The following LRRN2 variants were observed in gnomAD, a reference collection of about 807,000 sequenced individuals.
LRRN2 encodes the protein leucine rich repeat neuronal 2, also known as leucine-rich repeat neuronal protein 2.
A neutral mutation model predicts 35.7 loss-of-function variants in LRRN2; 10 were observed. That is an observed-to-expected ratio of 0.28 (90% CI 0.17 to 0.47). The LOEUF (loss-of-function observed/expected upper bound fraction) is 0.47, where lower values mean the gene tolerates loss of function less well. Among genes scored for constraint, LRRN2 ranks in the 20% least tolerant of loss-of-function variants. The pLI is 0.99. For synonymous variants in LRRN2, 391 were observed against 409.6 expected (o/e 0.95, Z 0.55); for missense variants, 731 against 940.3 (o/e 0.78, Z 2.91).
intron 1 of LRRN2, among the ~76,000 whole-genome samples, chr1:204,623,486 A>G (rs543924947): frequency 1.3e-5 from 2 of 152,224 alleles, no homozygotes; most frequent in African/African-American, 4.8e-5. Context: ...TCATGTTCAC[A>G]CTGCACCTCT....
At chr1:204,673,627 A>G (rs1213745564) in intron 1 of LRRN2, among the ~76,000 whole-genome samples, 2 of 152,236 alleles carry the variant, frequency 1.3e-5, no homozygotes, top group Non-Finnish European at 2.9e-5. Context: ...CAGAGGCAGC[A>G]AAGTTGTATG....
At position 204,679,564 on chromosome 1, in the gene LRRN2, G is replaced by A. The variant is rs141630940; in HGVS notation, c.-227+5756C>T. ...TGTTTTTCCCTGAAGAAGCTGCCTTGTGAGATGTTTGTAAATAGGAACAAT... is the reference window on the plus strand; with the variant it reads ...TGTTTTTCCCTGAAGAAGCTGCCTTATGAGATGTTTGTAAATAGGAACAAT... On this transcript the variant is annotated intron_variant, in intron 1 of 1. Transcript: ENST00000367177. 8.5e-5 allele frequency among the ~76,000 whole-genome samples: 13 copies of A among 152,274 alleles called. No individual in the cohort carries two copies. The East Asian group carries it at 2.5e-3, about 29-fold the overall frequency.
chr1:204,667,620 AC>A (rs938801373), intron 1 of LRRN2, among the ~76,000 whole-genome samples: 5 of 152,124 alleles, frequency 3.3e-5, no homozygotes, highest in African/African-American at 4.8e-5. Flanking sequence ...GCAAAGAGAG[AC>A]TTTTAATAGA....
intron 1 of LRRN2, among the ~76,000 whole-genome samples, chr1:204,683,314 A>G (rs2772237): frequency 0.91 from 138,649 of 152,184 alleles, 64,109 homozygotes; most frequent in East Asian, 1. Context: ...CAGGAGAAGC[A>G]GGGCAAAGTG....
intron 1 of LRRN2, among the ~76,000 whole-genome samples, chr1:204,673,248 C>A (rs1179654969): frequency 6.6e-6 from 1 of 152,232 alleles, no homozygotes; most frequent in South Asian, 2.1e-4. Flanking sequence ...CAATACCCTA[C>A]CAAGTCTATC....
Position 204,618,328 on chromosome 1 carries a change from G to T in LRRN2, c.1665C>A (p.Asn555Lys). ...GGGAGGAGGCACTGGACCAGGTGAG[G>T]TTGGTGGACACTGTGTTGGGTGGGG... ...WVTPPNTVST[N>K]LTWSSASSLR... Residue 555 changes from asparagine (N) to lysine (K), a missense_variant, in exon 2 of 2, where the codon AAC (asparagine) becomes AAA (lysine). By Grantham distance (94) the Asn-to-Lys change is moderately conservative. This residue lies in a region of LRRN2 where 229 missense variants were observed against 258.4 expected (regional missense o/e 0.89). Coordinates refer to ENST00000367177, the MANE Select transcript of LRRN2 (RefSeq NM_201630.2). The T allele has an allele frequency of 1.9e-6, 3 of 1,594,376 alleles. No individual in the cohort carries two copies. The highest frequency in any genetic ancestry group is 2.6e-6 in the Non-Finnish European group (3 of 1,169,528).
intron 1 of LRRN2, among the ~76,000 whole-genome samples, chr1:204,641,206 T>C (rs2102601676): frequency 6.6e-6 from 1 of 152,360 alleles, no homozygotes; most frequent in Non-Finnish European, 1.5e-5. Flanking sequence ...AACCTCAGAC[T>C]GGTATCACCC....
At chr1:204,621,015 G>A (rs1167523179) in intron 1 of LRRN2, 1 of 167,004 alleles carries the variant, frequency 6.0e-6, no homozygotes, top group Non-Finnish European at 1.5e-5. Flanking sequence ...AGAGGTGAAA[G>A]GCAGCAGACC....
At chr1:204,638,046 C>G (rs1227725491) in intron 1 of LRRN2, among the ~76,000 whole-genome samples, 1 of 152,138 alleles carries the variant, frequency 6.6e-6, no homozygotes, top group African/African-American at 2.4e-5. Flanking sequence ...CCTCCCGCCT[C>G]GTGAAAGCAT....
chr1:204,682,686 C>T lies in LRRN2; in HGVS notation c.-227+2634G>A, dbSNP rs535042646. Among the ~76,000 whole-genome samples, 4 of 152,306 alleles carry T rather than the reference C, an allele frequency of 2.6e-5. No homozygotes were observed. The East Asian group carries it at 5.8e-4, about 22-fold the overall frequency. Reference sequence around the variant, plus strand: ...ATTCAATAATAAATTTGATTCCTTCCCCCTTCTCTGTCTGAAGCACCAGCC... The same window carrying T: ...ATTCAATAATAAATTTGATTCCTTCTCCCTTCTCTGTCTGAAGCACCAGCC... On this transcript the variant is annotated intron_variant, in intron 1 of 1. Transcript: ENST00000367177.
At chr1:204,656,934 C>T (rs1231175346) in intron 1 of LRRN2, among the ~76,000 whole-genome samples, 2 of 152,134 alleles carry the variant, frequency 1.3e-5, no homozygotes, top group African/African-American at 4.8e-5. Context: ...TTTAAGTCTC[C>T]AAGAACTTGT....
At chr1:204,652,277 C>G (rs1278463140) in intron 1 of LRRN2, among the ~76,000 whole-genome samples, 6 of 130,788 alleles carry the variant, frequency 4.6e-5, no homozygotes, top group East Asian at 5.3e-4. Flanking sequence ...CCCCGCCCCC[C>G]CGCCGCCTTC....
chr1:204,654,231 G>A (rs965057504), intron 1 of LRRN2, among the ~76,000 whole-genome samples: 8 of 152,240 alleles, frequency 5.3e-5, no homozygotes, highest in Non-Finnish European at 8.8e-5. Context: ...GGTGTAAAGC[G>A]GACTGGATTA....
rs1021276924 is a variant in LRRN2 at position 204,618,241 on chromosome 1, A to G, written c.1752T>C (p.Ile584=). The change falls in exon 2 of 2, where the codon ATT becomes ATC. Residue 584 remains isoleucine (I), a synonymous_variant. Transcript: ENST00000367177. ...ACTCCGTGGCCTGAAGGAGGCGGGTAATGTTGTAGCTGTGGGTTCCCCGAG... is the reference window on the plus strand; with the variant it reads ...ACTCCGTGGCCTGAAGGAGGCGGGTGATGTTGTAGCTGTGGGTTCCCCGAG... ...RLPRGTHSYN[I]TRLLQATEYW... The G allele has an allele frequency of 3.1e-6, 5 of 1,613,280 alleles. No homozygotes were observed. In the Middle Eastern group the frequency reaches 4.9e-4, roughly 159 times the overall value.
Position 204,619,239 on chromosome 1 carries a change from C to G in LRRN2, c.754G>C (p.Val252Leu). ...ACCTGTTCCAGTGCCCGCCTGGGCA[C>G]CCGGGCCAGCTGGTTGTCATAGAAG... ...LSFYDNQLAR[V>L]PRRALEQVPG... The change falls in exon 2 of 2, where the codon GTG (valine) becomes CTG (leucine). Residue 252 changes from valine (V) to leucine (L), a missense_variant. By Grantham distance (32) the Val-to-Leu change is conservative. Coordinates refer to ENST00000367177, the MANE Select transcript of LRRN2 (RefSeq NM_201630.2). 1 of 1,614,112 alleles carries G rather than the reference C, an allele frequency of 6.2e-7. No individual in the cohort carries two copies. Among genetic ancestry groups the G allele is most frequent in the Non-Finnish European group, 8.5e-7 (1 of 1,180,022 alleles).
rs1666643395 is a variant in LRRN2, at chr1:204,619,163, C to T, written c.830G>A (p.Gly277Glu). Residue 277 changes from glycine (G) to glutamate (E), a missense_variant, in exon 2 of 2, where the codon GGG becomes GAG. Gly to Glu is a moderately conservative substitution (Grantham distance 98, BLOSUM62 -2). Transcript: ENST00000367177. ...CAGCATGTTGGCAAAGTCCCCCGGC[C>T]CTACCCGCTGGAGCGGGTTCTTGTT... ...DLNKNPLQRV[G>E]PGDFANMLHL... 6.2e-7 allele frequency: 1 copy of T among 1,613,960 alleles called. No individual in the cohort carries two copies. Among genetic ancestry groups the T allele is most frequent in the South Asian group, 1.1e-5 (1 of 91,090 alleles).
chr1:204,664,528 A>C (rs1283822771), intron 1 of LRRN2: 1 of 152,060 alleles, frequency 6.6e-6, no homozygotes, highest in Non-Finnish European at 1.5e-5. Flanking sequence ...GGAATTTTAA[A>C]ACCAACCTCA....
At chr1:204,637,347 C>T (rs1166265562) in intron 1 of LRRN2, among the ~76,000 whole-genome samples, 1 of 152,238 alleles carries the variant, frequency 6.6e-6, no homozygotes, top group Non-Finnish European at 1.5e-5. Context: ...CTTCCCAGCC[C>T]TTCTCAAGCC....
At chr1:204,675,459 C>T (rs1005765106) in intron 1 of LRRN2, among the ~76,000 whole-genome samples, 1 of 152,180 alleles carries the variant, frequency 6.6e-6, no homozygotes, top group African/African-American at 2.4e-5. Flanking sequence ...CTGGACTTTC[C>T]CAGCTTCTTA....
Sources: allele counts gnomAD v4.1 joint callset (sites outside exome capture counted in the v4.1 genomes callset), GRCh38; gene constraint gnomAD v4.1.1; regional missense constraint gnomAD v4.1.1; transcripts MANE v1.5; gene names NCBI Gene and HGNC (gene_info 2026-07-23, HGNC 2026-07-21).